CHST9: variants seen among roughly 807,000 people sequenced by gnomAD.
The protein encoded by CHST9 is carbohydrate sulfotransferase 9.
CHST9 carries 41 observed loss-of-function variants against 44.4 expected under a neutral mutation model. The ratio of observed to expected loss-of-function variants is 0.92; its 90% CI spans 0.72 to 1.20. CHST9 has a LOEUF of 1.20. Ranked by LOEUF, CHST9 falls within the 50% of genes most tolerant of loss-of-function variation. The pLI is 0.00. For synonymous variants in CHST9, 171 were observed against 178.4 expected (o/e 0.96, Z 0.33); for missense variants, 504 against 516.5 (o/e 0.98, Z 0.23).
chr18:27,091,175 G>A (rs1026422714), intron 2 of CHST9, among the ~76,000 whole-genome samples: 116 of 152,100 alleles, frequency 7.6e-4, no homozygotes, highest in African/African-American at 2.7e-3. Context: ...CTTGTAAGTT[G>A]GATTCCTAGG....
intron 4 of CHST9, among the ~76,000 whole-genome samples, chr18:26,992,774 T>C (rs566420734): frequency 6.6e-6 from 1 of 152,318 alleles, no homozygotes; most frequent in African/African-American, 2.4e-5. Context: ...TAGCATTTTT[T>C]TCTTGAGCAA....
intron 4 of CHST9, among the ~76,000 whole-genome samples, chr18:27,003,247 C>A (rs750911819): frequency 5.3e-5 from 8 of 152,018 alleles, no homozygotes; most frequent in Non-Finnish European, 1.0e-4. Flanking sequence ...ACCAGAAAAA[C>A]TGATGATGTG....
rs2055537231 is a variant in CHST9, at chr18:26,916,859, G to A, written c.732C>T (p.Ile244=). ...LNGLASSAYN[I]SHNAVHYGKH... ...TCCCGTAGTGGACAGCATTGTGGGA[G>A]ATGTTGTATGCAGAGGAAGCCAATC... is the stretch of plus-strand genomic sequence containing the variant. Residue 244 remains isoleucine (I), a synonymous_variant, in exon 6 of 6, where the codon ATC becomes ATT. Transcript: ENST00000618847. 6.2e-7 allele frequency: 1 copy of A among 1,613,926 alleles called. No individual in the cohort carries two copies. The highest frequency in any genetic ancestry group is 8.5e-7 in the Non-Finnish European group (1 of 1,179,876).
chr18:27,023,933 T>C (rs1057195364), intron 4 of CHST9, among the ~76,000 whole-genome samples, 183 bp downstream of exon 4: 13 of 152,160 alleles, frequency 8.5e-5, no homozygotes, highest in Admixed American at 2.0e-4. Context: ...GCTTGCTTTT[T>C]CTCCCCACCC....
At chr18:27,182,856 G>A (rs1341866808) in intron 1 of CHST9, among the ~76,000 whole-genome samples, 1 of 152,164 alleles carries the variant, frequency 6.6e-6, no homozygotes, top group Non-Finnish European at 1.5e-5. Flanking sequence ...CAATACTGAT[G>A]TGGGAAACAA....
chr18:26,949,866 C>T lies in CHST9; in HGVS notation c.203-5500G>A, dbSNP rs1186884100. On this transcript the variant is annotated intron_variant, in intron 4 of 5. Transcript: ENST00000618847. ...GCGAGGTGGCAGTAGCAGCAGGGGT[C>T]GGAGTAATGCCATTGCTGAAGAGGG... Among the ~76,000 whole-genome samples, 4 of 152,062 alleles carry T rather than the reference C, an allele frequency of 2.6e-5. 1 individual carries two copies. In the South Asian group the frequency reaches 6.2e-4, roughly 24 times the overall value.
chr18:27,060,556 A>C (rs2057709946), intron 2 of CHST9, among the ~76,000 whole-genome samples: 1 of 152,136 alleles, frequency 6.6e-6, no homozygotes, highest in African/African-American at 2.4e-5. Flanking sequence ...GCAGTCACTG[A>C]GAGCTAAGAT....
intron 4 of CHST9, among the ~76,000 whole-genome samples, chr18:27,023,530 T>C (rs1398288798): frequency 6.6e-6 from 1 of 152,246 alleles, no homozygotes; most frequent in Non-Finnish European, 1.5e-5. Flanking sequence ...ATTTTACAGC[T>C]GAATCTTTTT....
chr18:27,033,222 C>G (rs1346162431), intron 3 of CHST9, among the ~76,000 whole-genome samples: 3 of 152,212 alleles, frequency 2.0e-5, no homozygotes, highest in Non-Finnish European at 4.4e-5. Flanking sequence ...GCCCAGCACC[C>G]TTGCTATCAG....
chr18:27,016,691 C>A (rs1311362175), intron 4 of CHST9, among the ~76,000 whole-genome samples: 1 of 152,120 alleles, frequency 6.6e-6, no homozygotes, highest in African/African-American at 2.4e-5. Context: ...TGTGTTAGAA[C>A]ATTATCTTAA....
At chr18:27,033,126 C>T (rs1467216480) in intron 3 of CHST9, among the ~76,000 whole-genome samples, 1 of 152,204 alleles carries the variant, frequency 6.6e-6, no homozygotes, top group Non-Finnish European at 1.5e-5. Context: ...TCCTCCCAGA[C>T]ACAGACCTTG....
Position 26,911,344 on chromosome 18 carries a change from T to C in CHST9, c.*4915A>G, listed in dbSNP as rs908368890. ...GACAACAACAGATATTTTATATTCA[T>C]AAAAAGTGAGATAAATAGCACATGA... On this transcript the variant is annotated 3_prime_UTR_variant, in exon 6 of 6. Coordinates refer to ENST00000618847, the MANE Select transcript of CHST9 (RefSeq NM_031422.6). The C allele has an allele frequency of 3.3e-5, 5 of 152,148 alleles. No individual in the cohort carries two copies. The highest frequency in any genetic ancestry group is 7.3e-5 in the Non-Finnish European group (5 of 68,032). 9.4% of individuals were successfully genotyped at this position (152,148 alleles called of 1,614,324 possible).
chr18:27,002,166 C>A (rs1468133416), intron 4 of CHST9, among the ~76,000 whole-genome samples: 1 of 152,062 alleles, frequency 6.6e-6, no homozygotes, highest in African/African-American at 2.4e-5. Flanking sequence ...GAGCTTTCAG[C>A]CCCCATTCAC....
At chr18:27,167,085 C>T (rs1347172079) in intron 1 of CHST9, among the ~76,000 whole-genome samples, 1 of 152,180 alleles carries the variant, frequency 6.6e-6, no homozygotes, top group Non-Finnish European at 1.5e-5. Flanking sequence ...TGACGCTTTC[C>T]TTCTGGTAAA....
At position 27,142,846 on chromosome 18, in the gene CHST9, G is replaced by A; in HGVS notation, c.-37C>T. 1 of 1,557,760 alleles carries A rather than the reference G, an allele frequency of 6.4e-7. No homozygotes were observed. The highest frequency in any genetic ancestry group is 8.7e-7 in the Non-Finnish European group (1 of 1,154,556). ...TCAGAATCTGAAGACCACATGATTT[G>A]TTTTCCCGTAAAACTTCAGTCTTTT... On this transcript the variant is annotated 5_prime_UTR_variant, in exon 2 of 6. Transcript: ENST00000618847.
intron 2 of CHST9, among the ~76,000 whole-genome samples, chr18:27,107,037 C>T (rs1744212352): frequency 6.6e-6 from 1 of 151,822 alleles, no homozygotes; most frequent in Non-Finnish European, 1.5e-5. Context: ...TGGGTTTCCA[C>T]AGATGGGAAA....
chr18:27,034,715 A>G (rs749685689), intron 3 of CHST9, among the ~76,000 whole-genome samples: 45 of 151,926 alleles, frequency 3.0e-4, no homozygotes, highest in Non-Finnish European at 5.4e-4. Context: ...CCTTCATATC[A>G]CTCAGGATTT....
chr18:27,059,844 CACGTCAAAGGTTTGGGCCTCAG>C, intron 2 of CHST9, among the ~76,000 whole-genome samples: 1 of 152,258 alleles, frequency 6.6e-6, no homozygotes, highest in East Asian at 1.9e-4. Flanking sequence ...CACATTGACC[CACGTCAAAGGTTTGGGCCTCAG>C]ACATTCAGGG....
intron 4 of CHST9, among the ~76,000 whole-genome samples, chr18:27,019,193 A>G (rs2057190752): frequency 6.6e-6 from 1 of 152,210 alleles, no homozygotes. Flanking sequence ...GCCCAGGAGA[A>G]CATGCCTACC....
Sources: gnomAD v4.1 joint callset for allele counts (sites outside exome capture counted in the v4.1 genomes callset) on GRCh38, gnomAD v4.1.1 for gene constraint, MANE v1.5 for transcripts, NCBI Gene and HGNC (gene_info 2026-07-23, HGNC 2026-07-21) for gene names.